UTP14C: variants seen among roughly 807,000 people sequenced by gnomAD.
UTP14C encodes the protein U3 small nucleolar RNA-associated protein 14 homolog C.
UTP14C carries 10 observed loss-of-function variants against 14.6 expected under a neutral mutation model. The ratio of observed to expected loss-of-function variants is 0.68; its 90% CI spans 0.42 to 1.16. UTP14C has a LOEUF of 1.16. Among genes scored for constraint, UTP14C ranks in the 50% most tolerant of loss-of-function variants. The pLI, the probability that UTP14C is intolerant of heterozygous loss-of-function variation, is 0.00. For missense variants in UTP14C, 818 were observed against 890.8 expected (o/e 0.92, Z 1.04); for synonymous variants, 315 against 331.6 (o/e 0.95, Z 0.54).
chr13:52,030,641 G>A lies in UTP14C; in HGVS notation c.1837G>A (p.Glu613Lys), dbSNP rs376437217. ...CAGAGATTTCTTGAAAGAGAAGAGG[G>A]AAGCTGTGGAGGCGAGTAAGCCAAA... ...VIRDFLKEKR[E>K]AVEASKPKDV... The change falls in exon 2 of 2, where the codon GAA becomes AAA. Residue 613 changes from glutamate to lysine, a missense_variant. By Grantham distance (56) the Glu-to-Lys change is moderately conservative (BLOSUM62 1). Coordinates refer to ENST00000521776, the MANE Select transcript of UTP14C (RefSeq NM_021645.6). 7.9e-5 allele frequency: 127 copies of A among 1,614,080 alleles called. No homozygotes were observed. Among genetic ancestry groups the A allele is most frequent in the Non-Finnish European group, 1.0e-4 (118 of 1,180,036 alleles).
In UTP14C at chr13:52,033,165, T is replaced by C. The variant is rs961443406; in HGVS notation, c.*2060T>C. ...TACATGTATTCTATTTTTTTCTGAA[T>C]GATAGCATGAAAAGTGTCAAAGTGG... On this transcript the variant is annotated 3_prime_UTR_variant, in exon 2 of 2. Transcript: ENST00000521776. 1 of 167,102 alleles carries C rather than the reference T, an allele frequency of 6.0e-6. No homozygotes were observed. 10.4% of individuals were successfully genotyped at this position (167,102 alleles called of 1,614,324 possible).
At position 52,032,358 on chromosome 13, in the gene UTP14C, A is replaced by C. The variant is rs960328809; in HGVS notation, c.*1253A>C. ...TTAGTTACTAGGCCAGTAGCTAGGA[A>C]TTGGTATAAATTTAATGCACCTTCT... On this transcript the variant is annotated 3_prime_UTR_variant, in exon 2 of 2. Coordinates refer to ENST00000521776, the MANE Select transcript of UTP14C (RefSeq NM_021645.6). 1.1e-4 allele frequency: 18 copies of C among 167,112 alleles called. No homozygotes were observed. Among genetic ancestry groups the C allele is most frequent in the African/African-American group, 4.1e-4 (17 of 41,472 alleles). The allele number at this position is 167,112 out of a possible 1,614,324, so 10.4% of individuals were successfully genotyped here.
chr13:52,033,311 A>C lies in UTP14C; in HGVS notation c.*2206A>C, dbSNP rs1451934934. On this transcript the variant is annotated 3_prime_UTR_variant, in exon 2 of 2. Coordinates refer to ENST00000521776, the MANE Select transcript of UTP14C (RefSeq NM_021645.6). Reference sequence around the variant, plus strand: ...CACAGCAGTGGAGATTTGTATTCTTATTTACAGTTGTGTACTATAAAGTGT... The same window carrying C: ...CACAGCAGTGGAGATTTGTATTCTTCTTTACAGTTGTGTACTATAAAGTGT... The C allele has an allele frequency of 6.0e-6, 1 of 166,996 alleles. No individual in the cohort carries two copies. The highest frequency in any genetic ancestry group is 1.5e-5 in the Non-Finnish European group (1 of 68,098). 10.3% of individuals were successfully genotyped at this position (166,996 alleles called of 1,614,324 possible). A position where few individuals can be genotyped will look rare whatever the true frequency, so the allele number is the denominator to read the frequency against.
rs1954307145 is a variant in UTP14C at position 52,031,668 on chromosome 13, C to T, written c.*563C>T. On this transcript the variant is annotated 3_prime_UTR_variant, in exon 2 of 2. Coordinates refer to ENST00000521776, the MANE Select transcript of UTP14C (RefSeq NM_021645.6). ...TGATGATATGATATACAGATACATC[C>T]ACAGGGTATCTATTACCAGCATAAT... 5.9e-6 allele frequency: 1 copy of T among 168,756 alleles called. No homozygotes were observed. The highest frequency in any genetic ancestry group is 1.9e-4 in the East Asian group (1 of 5,210). The allele number at this position is 168,756 out of a possible 1,614,324, so 10.5% of individuals were successfully genotyped here. A position where few individuals can be genotyped will look rare whatever the true frequency, so the allele number is the denominator to read the frequency against.
chr13:52,024,793 A>T lies in UTP14C; in HGVS notation c.-631A>T, dbSNP rs1477782744. The T allele has an allele frequency of 1.9e-6, 3 of 1,614,220 alleles. No homozygotes were observed. The East Asian group carries it at 6.7e-5, about 36-fold the overall frequency. On this transcript the variant is annotated 5_prime_UTR_variant, in exon 1 of 2. It removes the in-frame stop codon of an upstream open reading frame in the 5' UTR. Coordinates refer to ENST00000521776, the MANE Select transcript of UTP14C (RefSeq NM_021645.6). ...TAACAAAGATGATGAACTTAGGGTAAACCAACTGAGAAGGCTGTCTGAGGA... is the reference window on the plus strand; with the variant it reads ...TAACAAAGATGATGAACTTAGGGTATACCAACTGAGAAGGCTGTCTGAGGA...
At chr13:52,027,925 A>G (rs573040538) in intron 1 of UTP14C, among the ~76,000 whole-genome samples, 3 of 152,044 alleles carry the variant, frequency 2.0e-5, no homozygotes, top group Non-Finnish European at 2.9e-5. Flanking sequence ...ATCTTTTTTA[A>G]TAGGCTAGTC....
chr13:52,025,459 A>G (rs947668091), intron 1 of UTP14C, among the ~76,000 whole-genome samples: 4 of 152,218 alleles, frequency 2.6e-5, no homozygotes, highest in South Asian at 2.1e-4. Context: ...ATGTATTTTG[A>G]TAATGCTGCT....
chr13:52,028,441 G>C lies in UTP14C; in HGVS notation c.-364G>C, dbSNP rs1954263201. 6.2e-7 allele frequency: 1 copy of C among 1,614,064 alleles called. No individual in the cohort carries two copies. The highest frequency in any genetic ancestry group is 8.5e-7 in the Non-Finnish European group (1 of 1,180,056). On this transcript the variant is annotated 5_prime_UTR_variant, in exon 2 of 2. Transcript: ENST00000521776. ...TGGCTTTCTGGCTGAGAGTGAAGAA[G>C]ACTATGCTGAAACTATCGCTCACAT...
chr13:52,031,341 C>T lies in UTP14C; in HGVS notation c.*236C>T. On this transcript the variant is annotated 3_prime_UTR_variant, in exon 2 of 2. Coordinates refer to ENST00000521776, the MANE Select transcript of UTP14C (RefSeq NM_021645.6). Reference sequence around the variant, plus strand: ...AAATTCTAAACAATACAGTGGATGACCCTTTTGAATATACCTAATGATTTC... The same window carrying T: ...AAATTCTAAACAATACAGTGGATGATCCTTTTGAATATACCTAATGATTTC... The T allele has an allele frequency of 1.7e-6, 1 of 588,842 alleles. No homozygotes were observed. 36.5% of individuals were successfully genotyped at this position (588,842 alleles called of 1,614,324 possible).
rs759428238 is a variant in UTP14C at position 52,030,275 on chromosome 13, G to T, written c.1471G>T (p.Ala491Ser). 1.9e-6 allele frequency: 3 copies of T among 1,614,222 alleles called. No individual in the cohort carries two copies. The South Asian group carries it at 3.3e-5, about 18-fold the overall frequency. ...TVPQVQREEPAPEEAEPLLLQ... is the reference protein window; with the variant it reads ...TVPQVQREEPSPEEAEPLLLQ... ...TCCCCAGGTCCAGAGAGAGGAACCT[G>T]CCCCAGAAGAAGCGGAACCCCTATT... The change falls in exon 2 of 2, where the codon GCC becomes TCC. Residue 491 changes from alanine to serine, a missense_variant. Ala to Ser is a moderately conservative substitution (Grantham distance 99). Coordinates refer to ENST00000521776, the MANE Select transcript of UTP14C (RefSeq NM_021645.6).
At chr13:52,025,854 C>T (rs1954235526) in intron 1 of UTP14C, among the ~76,000 whole-genome samples, 1 of 152,240 alleles carries the variant, frequency 6.6e-6, no homozygotes, top group Non-Finnish European at 1.5e-5. Flanking sequence ...ACTCTTTTTA[C>T]TCCTAGTTAG....
rs189674175 is a variant in UTP14C at position 52,030,971 on chromosome 13, A to G, written c.2167A>G (p.Lys723Glu). 6.2e-7 allele frequency: 1 copy of G among 1,614,200 alleles called. No individual in the cohort carries two copies. The highest frequency in any genetic ancestry group is 1.3e-5 in the African/African-American group (1 of 75,044). Residue 723 changes from lysine (K) to glutamate (E), a missense_variant, in exon 2 of 2, where the codon AAG becomes GAG. Transcript: ENST00000521776. ...GCTGACTACTCCCAAGGTCGTCACC[A>G]AGCCAGGCCATATCATTAAGCCCAT... ...QKLTTPKVVT[K>E]PGHIIKPIKA...
At position 52,029,821 on chromosome 13, in the gene UTP14C, C is replaced by T; in HGVS notation, c.1017C>T (p.Ala339=). ...AACTGACACAGAAACTCCAGGTAGC[C>T]TCTGAGAGTGAGGAAGAGGAGGGAG... ...NKELTQKLQV[A]SESEEEEGGT... is the part of the protein sequence containing the mutation. Residue 339 remains alanine, a synonymous_variant, in exon 2 of 2, where the codon GCC becomes GCT. Transcript: ENST00000521776. 1.2e-6 allele frequency: 2 copies of T among 1,614,196 alleles called. No homozygotes were observed. The highest frequency in any genetic ancestry group is 8.5e-7 in the Non-Finnish European group (1 of 1,180,042).
In UTP14C at chr13:52,029,943, G is replaced by C. The variant is rs1203328833; in HGVS notation, c.1139G>C (p.Ser380Thr). The C allele has an allele frequency of 1.2e-6, 2 of 1,614,082 alleles. No individual in the cohort carries two copies. The highest frequency in any genetic ancestry group is 2.7e-5 in the African/African-American group (2 of 74,944). Reference protein sequence around the residue: ...PNPWMFRSCTSDTKEAATQED... With the variant: ...PNPWMFRSCTTDTKEAATQED... ...CCCTGGATGTTCAGGAGCTGCACCA[G>C]TGACACCAAAGAGGCTGCAACACAG... Residue 380 changes from serine to threonine, a missense_variant, in exon 2 of 2, where the codon AGT becomes ACT. Transcript: ENST00000521776.
chr13:52,025,100 A>C (rs1954228248), intron 1 of UTP14C, among the ~76,000 whole-genome samples, 163 bp downstream of exon 1: 2 of 152,206 alleles, frequency 1.3e-5, no homozygotes, highest in African/African-American at 4.8e-5. Context: ...GATAGTAGTT[A>C]ATAATAGCAG....
At chr13:52,027,607 G>T (rs1954253994) in intron 1 of UTP14C, among the ~76,000 whole-genome samples, 2 of 152,114 alleles carry the variant, frequency 1.3e-5, no homozygotes, top group African/African-American at 4.8e-5. Flanking sequence ...GGCTAAGAAG[G>T]GCTGGCTAGA....
rs1002249932 is a variant in UTP14C, at chr13:52,028,573, G to A, written c.-232G>A. 14 of 1,614,046 alleles carry A rather than the reference G, an allele frequency of 8.7e-6. No individual in the cohort carries two copies. The highest frequency in any genetic ancestry group is 1.2e-5 in the Non-Finnish European group (14 of 1,179,960). On this transcript the variant is annotated 5_prime_UTR_variant, in exon 2 of 2. Transcript: ENST00000521776. ...TGAAGTGACATTCCTATCATCTGTG[G>A]AAAAGTTATTTAAGTAATGCCATAT...
rs752079420 is a variant in UTP14C at position 52,030,538 on chromosome 13, A to G, written c.1734A>G (p.Ile578Met). The change falls in exon 2 of 2, where the codon ATA (isoleucine) becomes ATG (methionine). Residue 578 changes from isoleucine (I) to methionine (M), a missense_variant. Physicochemically the swap from Ile to Met is conservative, Grantham distance 10. Transcript: ENST00000521776. ...PSVRSLAVPT[I>M]IEELEDEEER... ...TGAGGTCTTTGGCAGTTCCCACAAT[A>G]ATAGAGGAGCTGGAAGATGAAGAGG... is the stretch of plus-strand genomic sequence containing the variant. 1.9e-6 allele frequency: 3 copies of G among 1,614,154 alleles called. No individual in the cohort carries two copies. Among genetic ancestry groups the G allele is most frequent in the Non-Finnish European group, 2.5e-6 (3 of 1,180,038 alleles).
Position 52,030,865 on chromosome 13 carries a change from A to T in UTP14C, c.2061A>T (p.Pro687=). 6.2e-7 allele frequency: 1 copy of T among 1,614,112 alleles called. No individual in the cohort carries two copies. The highest frequency in any genetic ancestry group is 2.2e-5 in the East Asian group (1 of 44,876). The change falls in exon 2 of 2, where the codon CCA becomes CCT. Residue 687 remains proline (P), a synonymous_variant. Coordinates refer to ENST00000521776, the MANE Select transcript of UTP14C (RefSeq NM_021645.6). ...ATCAGGTACAAGTGCTTCCATATCC[A>T]TTTACCCACCATCGGCAATTTGAAA... ...AAHQVQVLPY[P]FTHHRQFERT...
Sources: gnomAD v4.1 joint callset for allele counts (sites outside exome capture counted in the v4.1 genomes callset) on GRCh38, gnomAD v4.1.1 for gene constraint, MANE v1.5 for transcripts, NCBI Gene and HGNC (gene_info 2026-07-23, HGNC 2026-07-21) for gene names.